The following TSPAN32 variants were observed in gnomAD, a reference collection of about 807,000 sequenced individuals.
The protein encoded by TSPAN32 is tetraspanin-32.
A neutral mutation model predicts 42.7 loss-of-function variants in TSPAN32; 47 were observed. The ratio of observed to expected loss-of-function variants is 1.10; its 90% CI spans 0.87 to 1.40. The LOEUF is 1.40. TSPAN32 is among the 40% of genes most tolerant of loss of function. The pLI is 0.00. For missense variants in TSPAN32, 469 were observed against 424.1 expected (o/e 1.11, Z -0.93); for synonymous variants, 175 against 175.9 (o/e 0.99, Z 0.04).
intron 4 of TSPAN32, among the ~76,000 whole-genome samples, chr11:2,312,047 G>C (rs796914066): frequency 6.7e-6 from 1 of 149,132 alleles, no homozygotes; most frequent in Non-Finnish European, 1.5e-5. Flanking sequence ...GGCAGGCAGG[G>C]CAGGCAGGGC....
Position 2,308,825 on chromosome 11 carries a change from C to T in TSPAN32, c.354+15C>T. ...GCCCCACCCAGGTGAGCACCAGCTG[C>T]CCCTACCCTGCAGTGGAGGGTCCCC... On this transcript the variant is annotated intron_variant, in intron 4 of 9. Transcript: ENST00000182290. 1 of 1,546,476 alleles carries T rather than the reference C, an allele frequency of 6.5e-7. No individual in the cohort carries two copies. Among genetic ancestry groups the T allele is most frequent in the Admixed American group, 1.9e-5 (1 of 52,474 alleles).
At chr11:2,315,646 G>A (rs1031005172) in intron 6 of TSPAN32, 64 of 1,187,808 alleles carry the variant, frequency 5.4e-5, no homozygotes, top group South Asian at 1.9e-4. Context: ...GAGACCCTGC[G>A]GAGGCCTCCA....
intron 3 of TSPAN32, chr11:2,306,906 G>C (rs1321615841): frequency 7.6e-6 from 1 of 131,662 alleles, no homozygotes; most frequent in Non-Finnish European, 1.6e-5. Flanking sequence ...GAGAAGGAGG[G>C]AGGACAAGGG....
At chr11:2,309,467 C>T (rs984995394) in intron 4 of TSPAN32, 9 of 424,230 alleles carry the variant, frequency 2.1e-5, no homozygotes, top group Middle Eastern at 3.9e-4. Context: ...AATGAGAGCT[C>T]GGTAGCAGAG....
At chr11:2,312,822 T>C (rs1459899108) in intron 4 of TSPAN32, among the ~76,000 whole-genome samples, 3 of 152,136 alleles carry the variant, frequency 2.0e-5, no homozygotes, top group African/African-American at 4.8e-5. Context: ...GGGGGAGAAC[T>C]GAGGGCCTCT....
rs1848624135 is a variant in TSPAN32, at chr11:2,313,872, A to G, written c.456+117A>G. 2.4e-6 allele frequency: 2 copies of G among 839,542 alleles called. No homozygotes were observed. The highest frequency in any genetic ancestry group is 3.7e-6 in the Non-Finnish European group (2 of 534,906). 52.0% of individuals were successfully genotyped at this position (839,542 alleles called of 1,614,324 possible). On this transcript the variant is annotated intron_variant, in intron 5 of 9. Coordinates refer to ENST00000182290, the MANE Select transcript of TSPAN32 (RefSeq NM_139022.3). The surrounding 1 kb of genome is among the most constrained non-coding windows in gnomAD (Gnocchi z 9.1). ...GGCCAGGCACCGAGGGGGTTCCAGG[A>G]CACAGGCCAGAGTTGCCCCTCAGGG...
Position 2,317,932 on chromosome 11 carries a change from C to T in TSPAN32, c.*8C>T, listed in dbSNP as rs953633466. 6.2e-6 allele frequency: 6 copies of T among 964,286 alleles called. No individual in the cohort carries two copies. The highest frequency in any genetic ancestry group is 1.7e-5 in the Admixed American group (1 of 58,776). The allele number at this position is 964,286 out of a possible 1,614,324, so 59.7% of individuals were successfully genotyped here. A position where few individuals can be genotyped will look rare whatever the true frequency, so the allele number is the denominator to read the frequency against. ...CGGGGTCTCTCAGACTGACGTCAGG[C>T]CTTGGTGGGCTGCACTCTCACCTGG... On this transcript the variant is annotated 3_prime_UTR_variant, in exon 10 of 10. Transcript: ENST00000182290. The surrounding 1 kb of genome is among the most constrained non-coding windows in gnomAD (Gnocchi z 6.2).
chr11:2,314,244 C>T (rs112114206), intron 5 of TSPAN32, among the ~76,000 whole-genome samples: 17 of 152,248 alleles, frequency 1.1e-4, no homozygotes, highest in African/African-American at 3.9e-4. Context: ...AGCTGCCTGG[C>T]TCCAGCAGGT....
In TSPAN32 at chr11:2,308,885, A is replaced by G. The variant is rs550902995; in HGVS notation, c.354+75A>G. 16 of 1,000,570 alleles carry G rather than the reference A, an allele frequency of 1.6e-5. No homozygotes were observed. In the South Asian group the frequency reaches 2.0e-4, roughly 13 times the overall value. 62.0% of individuals were successfully genotyped at this position (1,000,570 alleles called of 1,614,324 possible). ...AGTGGGCACCTGGGGACTGGGGAGC[A>G]GTCCTGGGAGGAGCAGCCCCAGCTT... On this transcript the variant is annotated intron_variant, in intron 4 of 9. Transcript: ENST00000182290.
chr11:2,302,882 C>A lies in TSPAN32; in HGVS notation c.105C>A (p.Thr35=). Reference sequence around the variant, plus strand: ...CTGTGGCCACCATGGTGACTCTTACCTACTTCGGGGCCCACTTTGCTGTCA... The same window carrying A: ...CTGTGGCCACCATGGTGACTCTTACATACTTCGGGGCCCACTTTGCTGTCA... ...GLSVATMVTL[T]YFGAHFAVIR... The change falls in exon 2 of 10, where the codon ACC becomes ACA. Residue 35 remains threonine (T), a synonymous_variant. Coordinates refer to ENST00000182290, the MANE Select transcript of TSPAN32 (RefSeq NM_139022.3). 7 of 1,613,682 alleles carry A rather than the reference C, an allele frequency of 4.3e-6. No individual in the cohort carries two copies. Among genetic ancestry groups the A allele is most frequent in the Non-Finnish European group, 5.9e-6 (7 of 1,179,842 alleles).
At chr11:2,312,049 A>T (rs1848492100) in intron 4 of TSPAN32, among the ~76,000 whole-genome samples, 1 of 151,842 alleles carries the variant, frequency 6.6e-6, no homozygotes, top group Non-Finnish European at 1.5e-5. Context: ...CAGGCAGGGC[A>T]GGCAGGGCAG....
Position 2,316,225 on chromosome 11 carries a change from ACAGGACTGCCTT to A in TSPAN32, c.545_556del (p.Asp182_Gln185del). 6.4e-7 allele frequency: 1 copy of A among 1,572,102 alleles called. No homozygotes were observed. The highest frequency in any genetic ancestry group is 8.6e-7 in the Non-Finnish European group (1 of 1,160,752). On this transcript the variant is annotated splice_acceptor_variant and splice_polypyrimidine_tract_variant and coding_sequence_variant and intron_variant, in exon 7 of 10. Coordinates refer to ENST00000182290, the MANE Select transcript of TSPAN32 (RefSeq NM_139022.3). LOFTEE classifies it high-confidence loss of function. ...CGGGTACCATGCCTGCTGCCCTCTC[ACAGGACTGCCTT>A]CAGGGCATCCGGAGCTTCCTGAGGA...
intron 6 of TSPAN32, 62 bp from the exon 7 acceptor site, chr11:2,316,167 G>A (rs774997166): frequency 6.6e-7 from 1 of 1,513,276 alleles, no homozygotes; most frequent in Non-Finnish European, 8.9e-7. Context: ...CCCCACAGAG[G>A]CCGCTTGTCC....
chr11:2,312,501 A>G (rs1327202460), intron 4 of TSPAN32, among the ~76,000 whole-genome samples: 1 of 152,146 alleles, frequency 6.6e-6, no homozygotes, highest in African/African-American at 2.4e-5. Context: ...TATTAGCATC[A>G]ATGGGAGGGA....
intron 8 of TSPAN32, among the ~76,000 whole-genome samples, chr11:2,316,965 G>C (rs940097212): frequency 1.4e-4 from 22 of 152,000 alleles, no homozygotes; most frequent in African/African-American, 5.3e-4. Flanking sequence ...CCCAGGCCAG[G>C]ATCTCTGTGC....
At chr11:2,315,332 G>A (rs1280751612) in intron 6 of TSPAN32, 2 of 1,166,230 alleles carry the variant, frequency 1.7e-6, no homozygotes, top group Non-Finnish European at 2.1e-6. Context: ...CACAGCCAAG[G>A]CTCTGAGGGC....
In TSPAN32 at chr11:2,317,399, C is replaced by T. The variant is rs1848863755; in HGVS notation, c.775C>T (p.Pro259Ser). ...CCTCTTGAGATGCTCCCAGGGTGGACCCACACATTGTCTCCACTCCGAAGC... is the reference window on the plus strand; with the variant it reads ...CCTCTTGAGATGCTCCCAGGGTGGATCCACACATTGTCTCCACTCCGAAGC... ...PSLLRCSQGG[P>S]THCLHSEAVA... Residue 259 changes from proline (P) to serine (S), a missense_variant, in exon 9 of 10, where the codon CCC becomes TCC. Physicochemically the swap from Pro to Ser is moderately conservative, Grantham distance 74. Coordinates refer to ENST00000182290, the MANE Select transcript of TSPAN32 (RefSeq NM_139022.3). This position sits in a 1 kb window ranked among gnomAD's most constrained non-coding sequence, Gnocchi z 6.2. The T allele has an allele frequency of 6.2e-7, 1 of 1,600,260 alleles. No homozygotes were observed. The highest frequency in any genetic ancestry group is 1.3e-5 in the African/African-American group (1 of 74,622).
chr11:2,306,073 A>AGTGTGTGTGTGTGT (rs1554938863), intron 3 of TSPAN32, among the ~76,000 whole-genome samples: 1 of 37,824 alleles, frequency 2.6e-5, no homozygotes, highest in African/African-American at 1.2e-4. Context: ...TGTGTGTGTA[A>AGTGTGTGTGTGTGT]GTATCTGTCA....
intron 3 of TSPAN32, among the ~76,000 whole-genome samples, chr11:2,305,376 C>CT (rs1554938624): frequency 1.3e-5 from 2 of 150,340 alleles, no homozygotes; most frequent in Non-Finnish European, 3.0e-5. Flanking sequence ...GTCTGCCCCC[C>CT]CCCCCAGAGG....
Sources: allele counts gnomAD v4.1 joint callset (sites outside exome capture counted in the v4.1 genomes callset), GRCh38; gene constraint gnomAD v4.1.1; non-coding constraint Gnocchi (gnomAD v3.1); transcripts MANE v1.5; gene names NCBI Gene and HGNC (gene_info 2026-07-23, HGNC 2026-07-21).